The following ANGPTL5 variants were observed in gnomAD, a reference collection of about 807,000 sequenced individuals.
The protein encoded by ANGPTL5 is angiopoietin-related protein 5.
Under a neutral mutation model 39.4 loss-of-function variants are expected in ANGPTL5, and 34 were observed. That is an observed-to-expected ratio of 0.86 (90% CI 0.66 to 1.15). The LOEUF (loss-of-function observed/expected upper bound fraction) is 1.15, where lower values mean the gene tolerates loss of function less well. Ranked by LOEUF, ANGPTL5 falls within the 50% of genes most tolerant of loss-of-function variation. The pLI, the probability that ANGPTL5 is intolerant of heterozygous loss-of-function variation, is 0.00. For synonymous variants in ANGPTL5, 146 were observed against 152.1 expected, an observed-to-expected ratio of 0.96 and a Z score of 0.29; for missense variants, 467 against 457.5, an observed-to-expected ratio of 1.02 and a Z score of -0.19.
chr11:101,914,104 T>G lies in ANGPTL5; in HGVS notation c.-93+1915A>C, dbSNP rs1940141045. 2.0e-5 allele frequency among the ~76,000 whole-genome samples: 3 copies of G among 152,218 alleles called. No individual in the cohort carries two copies. In the South Asian group the frequency reaches 6.2e-4, roughly 32 times the overall value. On this transcript the variant is annotated intron_variant, in intron 1 of 8. Coordinates refer to ENST00000334289, the MANE Select transcript of ANGPTL5 (RefSeq NM_178127.5). ...TTTTAAACAGTTTCAACTGGAAAAG[T>G]TTATTATTTGAAATCTTAAAATGAA...
chr11:101,905,130 G>A (rs1939974772), intron 4 of ANGPTL5, among the ~76,000 whole-genome samples: 1 of 152,068 alleles, frequency 6.6e-6, no homozygotes, highest in East Asian at 1.9e-4. Context: ...TCTGCATTTG[G>A]CTGCTCTTGC....
Position 101,890,963 on chromosome 11 carries a change from T to C in ANGPTL5, c.*316A>G, listed in dbSNP as rs1387416467. ...CTTCAATTTTCCTTACAACATATTA[T>C]GGTTTAAAAATGCTTCAAAGAAAAG... On this transcript the variant is annotated 3_prime_UTR_variant, in exon 9 of 9. Coordinates refer to ENST00000334289, the MANE Select transcript of ANGPTL5 (RefSeq NM_178127.5). 5 of 208,856 alleles carry C rather than the reference T, an allele frequency of 2.4e-5. No homozygotes were observed. In the Admixed American group the frequency reaches 2.6e-4, roughly 11 times the overall value. The allele number at this position is 208,856 out of a possible 1,614,324, so 12.9% of individuals were successfully genotyped here.
intron 1 of ANGPTL5, among the ~76,000 whole-genome samples, chr11:101,913,543 A>G (rs1940129445): frequency 6.6e-6 from 1 of 151,974 alleles, no homozygotes; most frequent in Non-Finnish European, 1.5e-5. Context: ...TCTCCTTTCT[A>G]GATTCATAAA....
At chr11:101,909,200 T>C (rs867762970) in intron 1 of ANGPTL5, among the ~76,000 whole-genome samples, 2 of 152,256 alleles carry the variant, frequency 1.3e-5, no homozygotes, top group African/African-American at 4.8e-5. Flanking sequence ...GTTCTCTGAC[T>C]TTCCTTCCTC....
intron 1 of ANGPTL5, chr11:101,915,021 T>G: frequency 2.4e-6 from 1 of 414,810 alleles, no homozygotes; most frequent in Non-Finnish European, 4.3e-6. Context: ...CGCCGTCGGT[T>G]GTTGTCAAGA....
intron 8 of ANGPTL5, among the ~76,000 whole-genome samples, chr11:101,893,064 C>T (rs1391603339): frequency 2.0e-5 from 3 of 152,182 alleles, no homozygotes; most frequent in African/African-American, 7.2e-5. Context: ...TCCATGGATA[C>T]TCTCCCTAGA....
chr11:101,906,338 G>A (rs1232908880), intron 3 of ANGPTL5, among the ~76,000 whole-genome samples: 1 of 152,054 alleles, frequency 6.6e-6, no homozygotes, highest in Non-Finnish European at 1.5e-5. Context: ...CATAATAAAT[G>A]TTAGTCAAAG....
intron 1 of ANGPTL5, among the ~76,000 whole-genome samples, chr11:101,914,036 T>A (rs910487425): frequency 1.3e-5 from 2 of 152,252 alleles, no homozygotes; most frequent in Non-Finnish European, 2.9e-5. Context: ...GTCGCCAGTG[T>A]ACATTCCAAT....
intron 7 of ANGPTL5, among the ~76,000 whole-genome samples, chr11:101,900,102 C>T (rs925330142): frequency 3.9e-5 from 6 of 152,160 alleles, no homozygotes; most frequent in African/African-American, 7.2e-5. Flanking sequence ...TCTAGGACAA[C>T]GCTGCCATTC....
chr11:101,891,556 G>T lies in ANGPTL5; in HGVS notation c.890C>A (p.Ala297Glu). ...AACATCTGATGTGCTAAAAGGCATT[G>T]CATTTTGATTATCTTCTTTTTTGAG... ...RGLKKEDNQNAMPFSTSDVDN... is the reference protein window; with the variant it reads ...RGLKKEDNQNEMPFSTSDVDN... Residue 297 changes from alanine to glutamate, a missense_variant, in exon 9 of 9, where the codon GCA becomes GAA. Transcript: ENST00000334289. 6.2e-7 allele frequency: 1 copy of T among 1,613,954 alleles called. No homozygotes were observed. Among genetic ancestry groups the T allele is most frequent in the Non-Finnish European group, 8.5e-7 (1 of 1,179,936 alleles).
intron 6 of ANGPTL5, among the ~76,000 whole-genome samples, chr11:101,901,282 A>G (rs1211897810): frequency 1.3e-5 from 2 of 151,656 alleles, no homozygotes; most frequent in East Asian, 3.9e-4. Flanking sequence ...GTATTTCTCT[A>G]TAAACTAAAT....
At chr11:101,897,688 G>A (rs1328678554) in intron 7 of ANGPTL5, among the ~76,000 whole-genome samples, 1 of 152,010 alleles carries the variant, frequency 6.6e-6, no homozygotes, top group Non-Finnish European at 1.5e-5. Context: ...TATTTCTGAG[G>A]CCTCTGTTCT....
rs1939680039 is a variant in ANGPTL5, at chr11:101,890,902, T to C, written c.*377A>G. ...CAGTAGAAATTATCTGTAGATTATATAATCATATAAAGTATAAAAATAAGT... is the reference window on the plus strand; with the variant it reads ...CAGTAGAAATTATCTGTAGATTATACAATCATATAAAGTATAAAAATAAGT... On this transcript the variant is annotated 3_prime_UTR_variant, in exon 9 of 9. Coordinates refer to ENST00000334289, the MANE Select transcript of ANGPTL5 (RefSeq NM_178127.5). 3 of 166,444 alleles carry C rather than the reference T, an allele frequency of 1.8e-5. No homozygotes were observed. The South Asian group carries it at 4.6e-4, about 25-fold the overall frequency. The allele number at this position is 166,444 out of a possible 1,614,324, so 10.3% of individuals were successfully genotyped here.
At chr11:101,892,527 G>A (rs751711710) in intron 8 of ANGPTL5, among the ~76,000 whole-genome samples, 3 of 152,058 alleles carry the variant, frequency 2.0e-5, no homozygotes, top group Non-Finnish European at 4.4e-5. Flanking sequence ...CACTGCTTCT[G>A]GCCTGAACAT....
Position 101,895,083 on chromosome 11 carries a change from G to T in ANGPTL5, c.662-19C>A, listed in dbSNP as rs901289356. ...AATTCTCCTGTAAAAAAAATGCTTTGTTTTAATATATTTTAATACAAATTA... is the reference window on the plus strand; with the variant it reads ...AATTCTCCTGTAAAAAAAATGCTTTTTTTTAATATATTTTAATACAAATTA... On this transcript the variant is annotated intron_variant, in intron 7 of 8. Transcript: ENST00000334289. 1 of 1,495,278 alleles carries T rather than the reference G, an allele frequency of 6.7e-7. No individual in the cohort carries two copies. The allele number at this position is 1,495,278 out of a possible 1,614,324, so 92.6% of individuals were successfully genotyped here. A position where few individuals can be genotyped will look rare whatever the true frequency, so the allele number is the denominator to read the frequency against.
At chr11:101,906,955 T>G in intron 3 of ANGPTL5, 148 bp downstream of exon 3, 1 of 603,232 alleles carries the variant, frequency 1.7e-6, no homozygotes, top group Non-Finnish European at 2.8e-6. Context: ...TAAGCACCTA[T>G]TATGGGCCAA....
At chr11:101,910,424 A>ATATATATATAT (rs1555048792) in intron 1 of ANGPTL5, among the ~76,000 whole-genome samples, 22 of 127,200 alleles carry the variant, frequency 1.7e-4, no homozygotes, top group Non-Finnish European at 2.6e-4. Flanking sequence ...AAAAAAAAAA[A>ATATATATATAT]ATATATATAT....
intron 5 of ANGPTL5, among the ~76,000 whole-genome samples, chr11:101,903,988 T>A (rs995098107): frequency 1.3e-5 from 2 of 152,174 alleles, no homozygotes; most frequent in Non-Finnish European, 2.9e-5. Context: ...AGGTAGGTAC[T>A]ATCAGTTTAC....
At chr11:101,908,058 T>G (rs1242595630) in intron 1 of ANGPTL5, 57 bp from the exon 2 acceptor site, 6 of 612,034 alleles carry the variant, frequency 9.8e-6, no homozygotes, top group Non-Finnish European at 1.8e-5. Flanking sequence ...ATGCCCTGGT[T>G]TGAAACAACA....
Sources: gnomAD v4.1 joint callset for allele counts (sites outside exome capture counted in the v4.1 genomes callset) on GRCh38, gnomAD v4.1.1 for gene constraint, MANE v1.5 for transcripts, NCBI Gene and HGNC (gene_info 2026-07-23, HGNC 2026-07-21) for gene names.